Variants in KCNT1 observed in about 807,000 individuals in gnomAD.
KCNT1 encodes the protein potassium sodium-activated channel subfamily T member 1.
A neutral mutation model predicts 147.8 loss-of-function variants in KCNT1; 78 were observed. The observed-to-expected ratio is 0.53, with a 90% CI of 0.44 to 0.64. The LOEUF is 0.64. Ranked by LOEUF, KCNT1 falls within the 30% of genes least tolerant of loss-of-function variation. KCNT1 has a pLI of 0.00. For missense variants in KCNT1, 1,419 were observed against 1,750.3 expected (o/e 0.81, Z 3.38); for synonymous variants, 867 against 748.8 (o/e 1.16, Z -2.58).
chr9:135,787,818 G>GCCCAGCATTCATGTTTGTGGTC lies in KCNT1; in HGVS notation c.3502+1301_3502+1322dup, dbSNP rs1463217099. 3.3e-5 allele frequency among the ~76,000 whole-genome samples: 5 copies of GCCCAGCATTCATGTTTGTGGTC among 152,314 alleles called. No homozygotes were observed. The East Asian group carries it at 7.7e-4, about 24-fold the overall frequency. ...TGGGGCTCACGAGGCTGAGGGGGGT[G>GCCCAGCATTCATGTTTGTGGTC]CCCAGCATTCATGTTTGTGGTCCCC... On this transcript the variant is annotated intron_variant, in intron 29 of 30. Transcript: ENST00000371757.
At chr9:135,757,092 C>CA in intron 7 of KCNT1, 64 bp from the exon 8 acceptor site, 1 of 1,008,744 alleles carries the variant, frequency 9.9e-7, no homozygotes, top group Non-Finnish European at 1.5e-6. Context: ...CACCCTGCCC[C>CA]TCCCCTGCTG....
At chr9:135,746,190 G>A (rs957179229) in intron 2 of KCNT1, among the ~76,000 whole-genome samples, 27 of 152,280 alleles carry the variant, frequency 1.8e-4, no homozygotes, top group South Asian at 6.2e-4. Flanking sequence ...CTCTGGCATC[G>A]CAGGCTCCAG....
chr9:135,724,133 C>A (rs1387591327), intron 2 of KCNT1, among the ~76,000 whole-genome samples: 1 of 152,206 alleles, frequency 6.6e-6, no homozygotes, highest in Admixed American at 6.5e-5. Context: ...CTCAGAGGCT[C>A]GAGAGGCACA....
intron 1 of KCNT1, 105 bp downstream of exon 1, chr9:135,702,473 G>A: frequency 1.0e-6 from 1 of 972,724 alleles, no homozygotes; most frequent in Non-Finnish European, 1.6e-6. Flanking sequence ...CCATTCCCAG[G>A]GCCATCCAAC....
chr9:135,747,739 A>AC (rs557011463), intron 2 of KCNT1, among the ~76,000 whole-genome samples: 25 of 151,708 alleles, frequency 1.6e-4, no homozygotes, highest in African/African-American at 5.6e-4. Flanking sequence ...GGGCAGACTG[A>AC]CCCCCCATTA....
Position 135,734,383 on chromosome 9 carries a change from G to C in KCNT1, c.255-15715G>C, listed in dbSNP as rs1011649889. Reference sequence around the variant, plus strand: ...AAGGGGGCTTCTGGGACTGCTGCTCGATGCCGAAGGTATTGTCCTTCCCAC... The same window carrying C: ...AAGGGGGCTTCTGGGACTGCTGCTCCATGCCGAAGGTATTGTCCTTCCCAC... On this transcript the variant is annotated intron_variant, in intron 2 of 30. Transcript: ENST00000371757. Among the ~76,000 whole-genome samples the C allele has an allele frequency of 2.0e-5, 3 of 152,208 alleles. No homozygotes were observed. In the South Asian group the frequency reaches 6.2e-4, roughly 31 times the overall value.
chr9:135,743,659 C>A (rs1055147175), intron 2 of KCNT1, among the ~76,000 whole-genome samples: 1 of 152,200 alleles, frequency 6.6e-6, no homozygotes, highest in Admixed American at 6.5e-5. Flanking sequence ...CCCGAGGAGT[C>A]GGGTCTCAGA....
At chr9:135,791,418 CATGT>C (rs1834516421) in intron 29 of KCNT1, 1 of 246,150 alleles carries the variant, frequency 4.1e-6, no homozygotes, top group South Asian at 5.8e-5. Flanking sequence ...GGCATGCATG[CATGT>C]GAGGTGAACA....
chr9:135,752,585 G>A lies in KCNT1; in HGVS notation c.435-1352G>A. ...TCCAGGACATGGATGGGGGTGGGAA[G>A]ATGGGTGGATGATGGATGGATGGTT... On this transcript the variant is annotated intron_variant, in intron 4 of 30. Coordinates refer to ENST00000371757, the MANE Select transcript of KCNT1 (RefSeq NM_020822.3). The surrounding 1 kb of genome is among the most constrained non-coding windows in gnomAD (Gnocchi z 5.1). 1 of 359,312 alleles carries A rather than the reference G, an allele frequency of 2.8e-6. No individual in the cohort carries two copies. The highest frequency in any genetic ancestry group is 3.6e-5 in the Admixed American group (1 of 28,052). The allele number at this position is 359,312 out of a possible 1,614,324, so 22.3% of individuals were successfully genotyped here.
intron 3 of KCNT1, chr9:135,750,668 C>A: frequency 1.8e-6 from 1 of 556,684 alleles, no homozygotes; most frequent in Non-Finnish European, 3.2e-6. Context: ...AATCCCTATC[C>A]TGTCCTCCAA....
At chr9:135,738,380 G>A (rs1405432750) in intron 2 of KCNT1, among the ~76,000 whole-genome samples, 1 of 152,220 alleles carries the variant, frequency 6.6e-6, no homozygotes, top group East Asian at 1.9e-4. Flanking sequence ...CAGGGCTCGC[G>A]CTGAGATGAG....
At chr9:135,739,326 C>T (rs1830463942) in intron 2 of KCNT1, among the ~76,000 whole-genome samples, 1 of 152,088 alleles carries the variant, frequency 6.6e-6, no homozygotes, top group Non-Finnish European at 1.5e-5. Flanking sequence ...GCCCAGCACC[C>T]CAGTGTCTAT....
chr9:135,756,416 C>T (rs779866315), intron 6 of KCNT1, among the ~76,000 whole-genome samples: 1 of 152,138 alleles, frequency 6.6e-6, no homozygotes. Flanking sequence ...TGACTGGGTC[C>T]CATGTCTCCA....
In KCNT1 at chr9:135,702,342, G is replaced by A; in HGVS notation, c.84G>A (p.Glu28=). 6.2e-7 allele frequency: 1 copy of A among 1,611,524 alleles called. No individual in the cohort carries two copies. The change falls in exon 1 of 31, where the codon GAG becomes GAA. Residue 28 remains glutamate, a synonymous_variant. Transcript: ENST00000371757. The part of the protein sequence containing the change: ...RGGGYTNRTF[E]FDDGQCAPRR... ...GGGGCTACACCAACCGGACCTTCGA[G>A]TTTGACGACGGCCAATGCGCCCCCA...
intron 19 of KCNT1, 78 bp downstream of exon 19, chr9:135,773,027 C>G (rs1352190783): frequency 3.0e-6 from 3 of 1,003,042 alleles, no homozygotes; most frequent in East Asian, 6.1e-5. Flanking sequence ...TCGGAGCATC[C>G]TTGGTGGTCC....
Position 135,777,297 on chromosome 9 carries a change from A to ACAGCCCTGACTC in KCNT1, c.2350-24_2350-13dup, listed in dbSNP as rs374463149. On this transcript the variant is annotated intron_variant, in intron 20 of 30. Transcript: ENST00000371757. ...AGGGCTCCAGTGGCCAGCAGGAACC[A>ACAGCCCTGACTC]CAGCCCTGACTCCAGCCCTGACTCC... 185 of 1,591,202 alleles carry ACAGCCCTGACTC rather than the reference A, an allele frequency of 1.2e-4. No homozygotes were observed. Among genetic ancestry groups the ACAGCCCTGACTC allele is most frequent in the East Asian group, 5.4e-4 (24 of 44,614 alleles).
chr9:135,748,413 G>A (rs904892724), intron 2 of KCNT1, among the ~76,000 whole-genome samples: 1 of 151,948 alleles, frequency 6.6e-6, no homozygotes, highest in South Asian at 2.1e-4. Context: ...AACATCGAAT[G>A]TTTTAATCAC....
In KCNT1 at chr9:135,786,415, G is replaced by T. The variant is rs1834054777; in HGVS notation, c.3396G>T (p.Trp1132Cys). The T allele has an allele frequency of 1.3e-6, 2 of 1,585,102 alleles. No homozygotes were observed. Among genetic ancestry groups the T allele is most frequent in the East Asian group, 2.3e-5 (1 of 43,264 alleles). ...CAGGCCGGGCGGCGGCCGCGGAGTG[G>T]ATCAGCCAGCAGCGCCTCAGCCTGT... is the stretch of plus-strand genomic sequence containing the variant. ...KQAGRAAAAE[W>C]ISQQRLSLYR... Residue 1132 changes from tryptophan (W) to cysteine (C), a missense_variant, in exon 29 of 31, where the codon TGG becomes TGT. Transcript: ENST00000371757.
intron 2 of KCNT1, among the ~76,000 whole-genome samples, chr9:135,744,703 T>G (rs914045547): frequency 2.6e-5 from 4 of 152,232 alleles, no homozygotes; most frequent in Non-Finnish European, 5.9e-5. Context: ...CCAGCGCCGC[T>G]GACGGCTCTC....
Sources: allele counts gnomAD v4.1 joint callset (sites outside exome capture counted in the v4.1 genomes callset), GRCh38; gene constraint gnomAD v4.1.1; non-coding constraint Gnocchi (gnomAD v3.1); transcripts MANE v1.5; gene names NCBI Gene and HGNC (gene_info 2026-07-23, HGNC 2026-07-21).